CACNA1D: variants seen among roughly 807,000 people sequenced by gnomAD.
The protein encoded by CACNA1D is voltage-dependent L-type calcium channel subunit alpha-1D.
Under a neutral mutation model 257.1 loss-of-function variants are expected in CACNA1D, and 55 were observed. The ratio of observed to expected loss-of-function variants is 0.21; its 90% confidence interval spans 0.17 to 0.27. The LOEUF (loss-of-function observed/expected upper bound fraction) is 0.27. Among genes scored for constraint, CACNA1D ranks in the 10% least tolerant of loss-of-function variants. CACNA1D has a pLI of 1.00. For synonymous variants in CACNA1D, 980 were observed against 1,014.9 expected (o/e 0.97, Z 0.65); for missense variants, 1,876 against 2,784.0 (o/e 0.67, Z 7.34).
rs564912018 is a variant in CACNA1D at position 53,763,260 on chromosome 3, C to T, written c.3870+1179C>T. On this transcript the variant is annotated intron_variant, in intron 30 of 47. Coordinates refer to ENST00000350061, the MANE Select transcript of CACNA1D (RefSeq NM_001128840.3). ...AGAGGGTGTCAGTCCGCCTTTGTTA[C>T]ATCCAGTAGATTCACTTGAGGGGGA... Among the ~76,000 whole-genome samples the T allele has an allele frequency of 2.6e-5, 4 of 152,376 alleles. No individual in the cohort carries two copies. In the South Asian group the frequency reaches 6.2e-4, roughly 24 times the overall value.
intron 3 of CACNA1D, among the ~76,000 whole-genome samples, chr3:53,584,699 T>C (rs1348668263): frequency 6.6e-6 from 1 of 152,246 alleles, no homozygotes; most frequent in Non-Finnish European, 1.5e-5. Flanking sequence ...TCAAAGACTG[T>C]CTTCTTCAGT....
In CACNA1D at chr3:53,808,752, G is replaced by A. The variant is rs778446866; in HGVS notation, c.5853G>A (p.Leu1951=). 5.0e-6 allele frequency: 8 copies of A among 1,607,328 alleles called. No homozygotes were observed. Among genetic ancestry groups the A allele is most frequent in the Admixed American group, 1.7e-5 (1 of 60,020 alleles). Residue 1951 remains leucine (L), a synonymous_variant, in exon 46 of 48, where the codon CTG becomes CTA. Transcript: ENST00000350061. Reference sequence around the variant, plus strand: ...TCCCCCATCGCACGGCCCTGCCTCTGCATCTAATGCAGCAACAGGTGAGCG... The same window carrying A: ...TCCCCCATCGCACGGCCCTGCCTCTACATCTAATGCAGCAACAGGTGAGCG... ...PIFPHRTALP[L]HLMQQQIMAV... is the part of the protein sequence containing the mutation.
rs946743178 is a variant in CACNA1D, at chr3:53,718,344, C to T, written c.1434C>T (p.Asn478=). ...AGACTGAGTCTGTGAACACAGAGAA[C>T]GTCAGCGGTGAAGGCGAGAACCGAG... ...TSETESVNTE[N]VSGEGENRGC... The change falls in exon 10 of 48, where the codon AAC becomes AAT. Residue 478 remains asparagine, a synonymous_variant. Coordinates refer to ENST00000350061, the MANE Select transcript of CACNA1D (RefSeq NM_001128840.3). 16 of 1,614,078 alleles carry T rather than the reference C, an allele frequency of 9.9e-6. No homozygotes were observed. The highest frequency in any genetic ancestry group is 1.3e-5 in the Non-Finnish European group (15 of 1,180,022).
intron 3 of CACNA1D, among the ~76,000 whole-genome samples, chr3:53,519,434 G>T (rs1304316723): frequency 1.1e-4 from 16 of 152,126 alleles, no homozygotes; most frequent in Non-Finnish European, 4.4e-5. Flanking sequence ...TGTGCGAGAC[G>T]ACAAAGACTG....
intron 3 of CACNA1D, among the ~76,000 whole-genome samples, chr3:53,543,235 C>T (rs1297779368): frequency 6.6e-6 from 1 of 152,074 alleles, no homozygotes; most frequent in Non-Finnish European, 1.5e-5. Context: ...ACAAACCAGC[C>T]TCCCCTAACC....
intron 3 of CACNA1D, among the ~76,000 whole-genome samples, chr3:53,539,724 C>G (rs986510128): frequency 6.6e-6 from 1 of 152,214 alleles, no homozygotes; most frequent in Non-Finnish European, 1.5e-5. Flanking sequence ...GTGAGCATTC[C>G]TGTTGCTTCA....
intron 3 of CACNA1D, among the ~76,000 whole-genome samples, chr3:53,520,494 G>A (rs185058220): frequency 6.6e-6 from 1 of 152,214 alleles, no homozygotes; most frequent in African/African-American, 2.4e-5. Context: ...GGCAGGGCAT[G>A]GTGGCTCATG....
intron 3 of CACNA1D, among the ~76,000 whole-genome samples, chr3:53,508,529 G>T (rs907610892): frequency 1.3e-5 from 2 of 152,102 alleles, no homozygotes; most frequent in Non-Finnish European, 2.9e-5. Flanking sequence ...CTCTGTGTTC[G>T]TAAGTTCTTA....
chr3:53,798,986 G>A (rs983972800), intron 40 of CACNA1D, among the ~76,000 whole-genome samples: 1 of 152,222 alleles, frequency 6.6e-6, no homozygotes, highest in African/African-American at 2.4e-5. Context: ...GGACAGGGAA[G>A]CGGTCTCCTC....
chr3:53,611,103 G>T (rs1420803700), intron 3 of CACNA1D, among the ~76,000 whole-genome samples: 1 of 152,200 alleles, frequency 6.6e-6, no homozygotes, highest in Non-Finnish European at 1.5e-5. Flanking sequence ...TTTTGGCCAG[G>T]AACTGTGGCT....
At chr3:53,499,299 T>C (rs527794756) in intron 2 of CACNA1D, among the ~76,000 whole-genome samples, 2 of 152,304 alleles carry the variant, frequency 1.3e-5, no homozygotes, top group South Asian at 4.1e-4. Context: ...AGATAGACCC[T>C]TAAGCAATAT....
At chr3:53,761,673 G>A (rs1190604994) in intron 29 of CACNA1D, among the ~76,000 whole-genome samples, 2 of 152,206 alleles carry the variant, frequency 1.3e-5, no homozygotes, top group Non-Finnish European at 2.9e-5. Context: ...CTGGGTACCA[G>A]GACAAGGTTG....
Position 53,776,853 on chromosome 3 carries a change from C to T in CACNA1D, c.4491-7C>T, listed in dbSNP as rs1411004060. On this transcript the variant is annotated splice_polypyrimidine_tract_variant and splice_region_variant and intron_variant, in intron 36 of 47. Transcript: ENST00000350061. ...TTCCTGGACCTTAGATTGTATTTTA[C>T]TTCCAGGGGAAGGATAAAACACCTT... The T allele has an allele frequency of 1.2e-6, 2 of 1,613,714 alleles. No individual in the cohort carries two copies. The highest frequency in any genetic ancestry group is 1.3e-5 in the African/African-American group (1 of 75,046).
intron 8 of CACNA1D, among the ~76,000 whole-genome samples, chr3:53,680,500 G>T (rs1042135832): frequency 4.6e-5 from 7 of 152,192 alleles, no homozygotes; most frequent in African/African-American, 1.7e-4. Flanking sequence ...TGTGCTCTGG[G>T]TTGTTGATGT....
At chr3:53,719,912 A>T (rs1042550466) in intron 11 of CACNA1D, 131 bp downstream of exon 11, 1 of 884,334 alleles carries the variant, frequency 1.1e-6, no homozygotes, top group Non-Finnish European at 1.9e-6. Flanking sequence ...ACTGAATTGC[A>T]GTCAGTCAAT....
chr3:53,702,890 CT>C, intron 9 of CACNA1D, 80 bp downstream of exon 9: 4 of 1,486,186 alleles, frequency 2.7e-6, no homozygotes, highest in Non-Finnish European at 2.8e-6. Context: ...TTCCTCGACT[CT>C]GACCCAGGCT....
intron 3 of CACNA1D, among the ~76,000 whole-genome samples, chr3:53,636,915 T>C (rs1446651465): frequency 2.0e-5 from 3 of 152,252 alleles, no homozygotes; most frequent in Non-Finnish European, 4.4e-5. Flanking sequence ...TAAGGTGACT[T>C]GTGTCACTGA....
intron 3 of CACNA1D, among the ~76,000 whole-genome samples, chr3:53,580,171 AG>A (rs2093107627): frequency 6.6e-6 from 1 of 152,110 alleles, no homozygotes; most frequent in African/African-American, 2.4e-5. Flanking sequence ...AAAAAATGAG[AG>A]TGCTTTCTTT....
intron 3 of CACNA1D, among the ~76,000 whole-genome samples, chr3:53,593,680 A>G (rs1339884468): frequency 6.6e-6 from 1 of 152,154 alleles, no homozygotes; most frequent in Non-Finnish European, 1.5e-5. Flanking sequence ...GGCAGTGGGT[A>G]TTCTTCCCCC....
Sources: allele counts gnomAD v4.1 joint callset (sites outside exome capture counted in the v4.1 genomes callset), GRCh38; gene constraint gnomAD v4.1.1; transcripts MANE v1.5; gene names NCBI Gene and HGNC (gene_info 2026-07-23, HGNC 2026-07-21).